The following RBFOX1 variants were observed in gnomAD, a reference collection of about 807,000 sequenced individuals.
The protein encoded by RBFOX1 is RNA binding fox-1 homolog 1, also known as RNA binding protein fox-1 homolog 1.
Under a neutral mutation model 57.7 loss-of-function variants are expected in RBFOX1, and 8 were observed. The ratio of observed to expected loss-of-function variants is 0.14; its 90% CI spans 0.08 to 0.25. The LOEUF is 0.25. Ranked by LOEUF, RBFOX1 falls within the 10% of genes least tolerant of loss-of-function variation. The pLI is 1.00. For missense variants in RBFOX1, 611 were observed against 548.5 expected, an observed-to-expected ratio of 1.11 and a Z score of -1.14; for synonymous variants, 326 against 222.4, an observed-to-expected ratio of 1.47 and a Z score of -4.15.
intron 4 of RBFOX1, among the ~76,000 whole-genome samples, chr16:7,189,528 C>T (rs1181047118): frequency 6.7e-6 from 1 of 148,946 alleles, no homozygotes; most frequent in African/African-American, 2.5e-5. Context: ...TACATTGCCC[C>T]CACTCCAAAA....
intron 2 of RBFOX1, among the ~76,000 whole-genome samples, chr16:6,453,336 C>G (rs146018696): frequency 6.6e-6 from 1 of 152,044 alleles, no homozygotes; most frequent in African/African-American, 2.4e-5. Flanking sequence ...TTATTCAACT[C>G]GTATTTATGA....
intron 3 of RBFOX1, among the ~76,000 whole-genome samples, chr16:5,617,841 C>T (rs1458822588): frequency 6.6e-6 from 1 of 152,166 alleles, no homozygotes. Context: ...ATGAGAGTGT[C>T]TCTCCTTCCC....
At chr16:6,350,980 G>C (rs2086252986) in intron 2 of RBFOX1, among the ~76,000 whole-genome samples, 1 of 152,182 alleles carries the variant, frequency 6.6e-6, no homozygotes, top group Non-Finnish European at 1.5e-5. Flanking sequence ...ACCACAGGCA[G>C]TGGGCACTTG....
chr16:7,061,002 G>C (rs2054075224), intron 4 of RBFOX1, among the ~76,000 whole-genome samples: 1 of 149,810 alleles, frequency 6.7e-6, no homozygotes, highest in African/African-American at 2.5e-5. Context: ...CATGGTTGAT[G>C]AGATTTCATG....
chr16:7,023,076 A>C (rs1158403197), intron 3 of RBFOX1, among the ~76,000 whole-genome samples: 2 of 152,210 alleles, frequency 1.3e-5, no homozygotes, highest in Non-Finnish European at 2.9e-5. Context: ...ATCCTATGCA[A>C]AAAGCCCAGC....
chr16:5,865,483 T>C (rs2057324357), intron 3 of RBFOX1, among the ~76,000 whole-genome samples: 1 of 152,172 alleles, frequency 6.6e-6, no homozygotes, highest in East Asian at 1.9e-4. Context: ...GAGGTCAGTC[T>C]GAAATCTGGT....
intron 1 of RBFOX1, among the ~76,000 whole-genome samples, chr16:6,259,988 A>G (rs1171421409): frequency 6.6e-6 from 1 of 151,936 alleles, no homozygotes; most frequent in Non-Finnish European, 1.5e-5. Context: ...TGATGAAAAT[A>G]AGTCCATTCC....
intron 2 of RBFOX1, among the ~76,000 whole-genome samples, chr16:5,556,958 G>T (rs965048558): frequency 6.6e-6 from 1 of 152,066 alleles, no homozygotes; most frequent in South Asian, 2.1e-4. Flanking sequence ...ATGTTAATTT[G>T]AACTTTTAAA....
In RBFOX1 at chr16:5,595,294, T is replaced by C. The variant is rs554211474; in HGVS notation, c.259-3608T>C. On this transcript the variant is annotated intron_variant, in intron 2 of 2. Transcript: ENST00000585867. ...ATGACAAATCTGTATTGGATGATGTTTGATGGCCCATCTGGGATCTCTGCC... is the reference window on the plus strand; with the variant it reads ...ATGACAAATCTGTATTGGATGATGTCTGATGGCCCATCTGGGATCTCTGCC... Among the ~76,000 whole-genome samples the C allele has an allele frequency of 5.3e-5, 8 of 152,338 alleles. 1 individual carries two copies. The South Asian group carries it at 1.2e-3, about 24-fold the overall frequency.
At chr16:6,996,216 A>G (rs756921158) in intron 3 of RBFOX1, among the ~76,000 whole-genome samples, 5 of 152,214 alleles carry the variant, frequency 3.3e-5, no homozygotes, top group East Asian at 3.8e-4. Flanking sequence ...GCCATCTTGA[A>G]TACAGGAAGG....
At chr16:7,238,013 A>G (rs62017368) in intron 4 of RBFOX1, among the ~76,000 whole-genome samples, 14,158 of 152,272 alleles carry the variant, frequency 0.093, 880 homozygotes, top group Middle Eastern at 0.17. Context: ...CAAAAAAAGA[A>G]AAGAGATGCT....
chr16:7,332,927 T>G (rs2096718057), intron 4 of RBFOX1: 18 of 1,603,316 alleles, frequency 1.1e-5, no homozygotes, highest in South Asian at 4.4e-5. Context: ...TCGGAAGAAG[T>G]TGGGTCTATA....
intron 4 of RBFOX1, among the ~76,000 whole-genome samples, chr16:5,909,553 C>T (rs562481949): frequency 2.7e-4 from 41 of 152,288 alleles, no homozygotes; most frequent in Non-Finnish European, 3.2e-4. Context: ...GTTTATAGAC[C>T]ACAGCAACAG....
intron 4 of RBFOX1, among the ~76,000 whole-genome samples, chr16:7,461,440 A>T (rs1341286297): frequency 1.3e-5 from 2 of 152,196 alleles, no homozygotes; most frequent in Non-Finnish European, 2.9e-5. Context: ...TGCTGGGATT[A>T]CAGGCATGAG....
intron 2 of RBFOX1, among the ~76,000 whole-genome samples, chr16:5,514,150 A>C (rs1392835250): frequency 1.3e-5 from 2 of 152,166 alleles, no homozygotes; most frequent in Non-Finnish European, 2.9e-5. Context: ...AGCAGCAAGC[A>C]TCAGATTATC....
intron 4 of RBFOX1, among the ~76,000 whole-genome samples, chr16:7,441,911 C>A (rs986726810): frequency 6.6e-6 from 1 of 152,212 alleles, no homozygotes; most frequent in African/African-American, 2.4e-5. Flanking sequence ...ATAAACGTGC[C>A]CAGAGATGCT....
chr16:6,677,459 A>G (rs933019716), intron 3 of RBFOX1, among the ~76,000 whole-genome samples: 3 of 152,210 alleles, frequency 2.0e-5, no homozygotes, highest in Non-Finnish European at 4.4e-5. Context: ...AAGGCTACCT[A>G]CATCAAAAGA....
chr16:5,400,422 A>C (rs562885942), intron 1 of RBFOX1, among the ~76,000 whole-genome samples: 2 of 152,102 alleles, frequency 1.3e-5, no homozygotes, highest in African/African-American at 4.8e-5. Context: ...GTACATCTCT[A>C]TGTAATTCTT....
chr16:6,451,216 A>G (rs1030008545), intron 2 of RBFOX1, among the ~76,000 whole-genome samples: 1 of 152,070 alleles, frequency 6.6e-6, no homozygotes, highest in Non-Finnish European at 1.5e-5. Flanking sequence ...TTGAAGCAAA[A>G]TAGCATGTTC....
Sources: gnomAD v4.1 joint callset for allele counts (sites outside exome capture counted in the v4.1 genomes callset) on GRCh38, gnomAD v4.1.1 for gene constraint, MANE v1.5 for transcripts, NCBI Gene and HGNC (gene_info 2026-07-23, HGNC 2026-07-21) for gene names.